The following ABCC2 variants were observed in gnomAD, a reference collection of about 807,000 sequenced individuals.
The protein encoded by ABCC2 is ATP-binding cassette sub-family C member 2.
A neutral mutation model predicts 173.4 loss-of-function variants in ABCC2; 157 were observed. The ratio of observed to expected loss-of-function variants is 0.91; its 90% confidence interval spans 0.80 to 1.03. The LOEUF (loss-of-function observed/expected upper bound fraction) is 1.03. Among genes scored for constraint, ABCC2 ranks in the 50% least tolerant of loss-of-function variants. The pLI is 0.00. For missense variants in ABCC2, 1,822 were observed against 1,852.3 expected (o/e 0.98, Z 0.30); for synonymous variants, 657 against 693.5 (o/e 0.95, Z 0.83).
rs1343785070 is a variant in ABCC2, at chr10:99,810,144, C to T, written c.1826C>T (p.Ser609Phe). Reference protein sequence around the residue: ...MISSMLQASVSTERLEKYLGG... With the variant: ...MISSMLQASVFTERLEKYLGG... Reference sequence around the variant, plus strand: ...TGTGTCCTTCTCTAGGCCAGTGTTTCCACAGAGCGGCTAGAGAAGTACTTG... The same window carrying T: ...TGTGTCCTTCTCTAGGCCAGTGTTTTCACAGAGCGGCTAGAGAAGTACTTG... Residue 609 changes from serine (S) to phenylalanine (F), a missense_variant, in exon 14 of 32, where the codon TCC (serine) becomes TTC (phenylalanine). Physicochemically the swap from Ser to Phe is radical, Grantham distance 155. Transcript: ENST00000647814. 6.2e-7 allele frequency: 1 copy of T among 1,613,448 alleles called. No homozygotes were observed. Among genetic ancestry groups the T allele is most frequent in the Non-Finnish European group, 8.5e-7 (1 of 1,179,446 alleles).
intron 19 of ABCC2, among the ~76,000 whole-genome samples, chr10:99,820,901 T>C (rs1433223281): frequency 6.6e-6 from 1 of 151,880 alleles, no homozygotes; most frequent in Non-Finnish European, 1.5e-5. Flanking sequence ...AGAGACAAAG[T>C]ATAGAGAAAG....
At chr10:99,811,679 T>G (rs1241038317) in intron 15 of ABCC2, 77 bp downstream of exon 15, 1 of 1,497,714 alleles carries the variant, frequency 6.7e-7, no homozygotes. Flanking sequence ...TTCCATGTAA[T>G]AGAATGCATG....
intron 16 of ABCC2, among the ~76,000 whole-genome samples, chr10:99,817,069 T>C (rs554431893): frequency 3.9e-5 from 6 of 152,328 alleles, no homozygotes; most frequent in Admixed American, 1.3e-4. Context: ...TTCAGGATCA[T>C]GGCTGAAAAA....
intron 3 of ABCC2, among the ~76,000 whole-genome samples, chr10:99,793,284 A>G (rs1378807796): frequency 6.6e-6 from 1 of 152,190 alleles, no homozygotes; most frequent in Non-Finnish European, 1.5e-5. Context: ...AAGTAACTCC[A>G]CTAAAATGCA....
intron 25 of ABCC2, among the ~76,000 whole-genome samples, chr10:99,841,474 G>A (rs1488919667): frequency 6.6e-6 from 1 of 152,138 alleles, no homozygotes; most frequent in African/African-American, 2.4e-5. Flanking sequence ...AGGATGGCTT[G>A]AGCCCGGGAG....
chr10:99,806,631 G>A lies in ABCC2; in HGVS notation c.1531-753G>A, dbSNP rs537789067. Among the ~76,000 whole-genome samples, 4 of 152,248 alleles carry A rather than the reference G, an allele frequency of 2.6e-5. No homozygotes were observed. In the South Asian group the frequency reaches 6.2e-4, roughly 24 times the overall value. ...GTTATTCCCTTGACATTGATTAGCT[G>A]GAATTTTATGAAGAAGAATTATCTT... is the stretch of plus-strand genomic sequence containing the variant. On this transcript the variant is annotated intron_variant, in intron 11 of 31. Transcript: ENST00000647814.
At chr10:99,794,821 A>G (rs1054481719) in intron 6 of ABCC2, among the ~76,000 whole-genome samples, 1 of 152,164 alleles carries the variant, frequency 6.6e-6, no homozygotes, top group African/African-American at 2.4e-5. Flanking sequence ...GATTACAGGC[A>G]TGAGCTACAG....
chr10:99,811,304 T>A (rs534262938), intron 14 of ABCC2, among the ~76,000 whole-genome samples: 1 of 151,418 alleles, frequency 6.6e-6, no homozygotes, highest in Non-Finnish European at 1.5e-5. Flanking sequence ...CACTCCATCC[T>A]GGGTGACAAA....
chr10:99,794,719 A>G (rs2037869070), intron 6 of ABCC2: 3 of 439,056 alleles, frequency 6.8e-6, no homozygotes, highest in Non-Finnish European at 1.2e-5. Flanking sequence ...TAATTTTTGT[A>G]TTTTTAGTAG....
chr10:99,809,930 C>T (rs878873305), intron 13 of ABCC2, among the ~76,000 whole-genome samples: 15 of 152,228 alleles, frequency 9.9e-5, no homozygotes, highest in Non-Finnish European at 1.8e-4. Flanking sequence ...AAGAGTTGAA[C>T]TCCATGAGTT....
In ABCC2 at chr10:99,804,529, G is replaced by A. The variant is rs1217902143; in HGVS notation, c.1464+256G>A. Among the ~76,000 whole-genome samples the A allele has an allele frequency of 6.6e-5, 10 of 152,290 alleles. No homozygotes were observed. The South Asian group carries it at 1.2e-3, about 19-fold the overall frequency. The stretch of plus-strand genomic sequence containing the variant: ...AAGGAAGGGCTACCCCAGAGATGCT[G>A]CACATAATTCTTCCATCTTGCTCTG... On this transcript the variant is annotated intron_variant, in intron 10 of 31. Transcript: ENST00000647814.
chr10:99,800,552 G>A lies in ABCC2; in HGVS notation c.1198G>A (p.Val400Ile), dbSNP rs2037999475. 2 of 1,614,132 alleles carry A rather than the reference G, an allele frequency of 1.2e-6. No individual in the cohort carries two copies. Among genetic ancestry groups the A allele is most frequent in the Non-Finnish European group, 1.7e-6 (2 of 1,180,016 alleles). ...AGTACGGACAGCTATCATGGCTTCTGTATATAAGAAGGTAAGCAGAATACG... is the reference window on the plus strand; with the variant it reads ...AGTACGGACAGCTATCATGGCTTCTATATATAAGAAGGTAAGCAGAATACG... ...VKVRTAIMAS[V>I]YKKALTLSNL... The change falls in exon 9 of 32, where the codon GTA (valine) becomes ATA (isoleucine). Residue 400 changes from valine to isoleucine, a missense_variant. Coordinates refer to ENST00000647814, the MANE Select transcript of ABCC2 (RefSeq NM_000392.5).
chr10:99,829,511 T>C (rs2038702940), intron 19 of ABCC2, among the ~76,000 whole-genome samples: 1 of 151,916 alleles, frequency 6.6e-6, no homozygotes, highest in Admixed American at 6.6e-5. Context: ...AGGTTCCTAT[T>C]CTACCATCCC....
chr10:99,838,288 G>A (rs1281382251), intron 25 of ABCC2, among the ~76,000 whole-genome samples: 10 of 22,270 alleles, frequency 4.5e-4, no homozygotes, highest in African/African-American at 1.8e-3. Flanking sequence ...AGGCAGAGGC[G>A]CCCCTCACCT....
chr10:99,785,096 C>T (rs2037683081), intron 2 of ABCC2, among the ~76,000 whole-genome samples: 2 of 152,200 alleles, frequency 1.3e-5, no homozygotes. Context: ...TGTCTTTAAA[C>T]AGCTCTAATA....
chr10:99,835,995 TC>T (rs2038814237), intron 24 of ABCC2, 95 bp from the exon 25 acceptor site: 1 of 1,246,270 alleles, frequency 8.0e-7, no homozygotes, highest in South Asian at 1.2e-5. Flanking sequence ...GCTGTGCCCA[TC>T]AAGGGGAAGA....
chr10:99,831,739 C>G lies in ABCC2; in HGVS notation c.3012C>G (p.Thr1004=), dbSNP rs2038742820. Residue 1004 remains threonine (T), a synonymous_variant, in exon 22 of 32, where the codon ACC becomes ACG. Coordinates refer to ENST00000647814, the MANE Select transcript of ABCC2 (RefSeq NM_000392.5). Reference sequence around the variant, plus strand: ...CCAACCTCTGGCTCAGTGCTTGGACCAGTGACTCTAAAATCTTCAATAGCA... The same window carrying G: ...CCAACCTCTGGCTCAGTGCTTGGACGAGTGACTCTAAAATCTTCAATAGCA... ...IGSNLWLSAW[T]SDSKIFNSTD... The G allele has an allele frequency of 6.2e-7, 1 of 1,614,070 alleles. No individual in the cohort carries two copies. The highest frequency in any genetic ancestry group is 1.7e-5 in the Admixed American group (1 of 59,994).
At chr10:99,838,178 C>T (rs1486887763) in intron 25 of ABCC2, among the ~76,000 whole-genome samples, 4 of 67,510 alleles carry the variant, frequency 5.9e-5, no homozygotes, top group East Asian at 4.2e-4. Flanking sequence ...CCCTCCCGGA[C>T]GGGGCGGCTG....
At chr10:99,806,194 T>C (rs1215582871) in intron 11 of ABCC2, among the ~76,000 whole-genome samples, 1 of 152,006 alleles carries the variant, frequency 6.6e-6, no homozygotes, top group Non-Finnish European at 1.5e-5. Context: ...AAAGGTTTGA[T>C]TGATTTATAT....
Sources: allele counts gnomAD v4.1 joint callset (sites outside exome capture counted in the v4.1 genomes callset), GRCh38; gene constraint gnomAD v4.1.1; transcripts MANE v1.5; gene names NCBI Gene and HGNC (gene_info 2026-07-23, HGNC 2026-07-21).